RND3: variants seen among roughly 807,000 people sequenced by gnomAD.
RND3 encodes rho-related GTP-binding protein RhoE.
Under a neutral mutation model 26.5 loss-of-function variants are expected in RND3, and 8 were observed. The ratio of observed to expected loss-of-function variants is 0.30; its 90% CI spans 0.18 to 0.54. The LOEUF (loss-of-function observed/expected upper bound fraction) is 0.54, where lower values mean the gene tolerates loss of function less well. Among genes scored for constraint, RND3 ranks in the 20% least tolerant of loss-of-function variants. The pLI, the probability that RND3 is intolerant of heterozygous loss-of-function variation, is 0.94. For synonymous variants in RND3, 113 were observed against 113.0 expected (o/e 1.00, Z 0.00); for missense variants, 207 against 302.8 (o/e 0.68, Z 2.35).
At position 150,470,064 on chromosome 2, in the gene RND3, T is replaced by C. The variant is rs1466682774; in HGVS notation, c.658A>G (p.Met220Val). The change falls in exon 6 of 6, where the codon ATG (methionine) becomes GTG (valine). Residue 220 changes from methionine (M) to valine (V), a missense_variant. Coordinates refer to ENST00000263895, the MANE Select transcript of RND3 (RefSeq NM_005168.5). The stretch of plus-strand genomic sequence containing the variant: ...GCCGAGAGTTCTGGTCTGCTAGGCA[T>C]GTGTGAAATCCGCTTTGTGGCTCTC... ...SQRATKRISHMPSRPELSAVA... is the reference protein window; with the variant it reads ...SQRATKRISHVPSRPELSAVA... 6.2e-7 allele frequency: 1 copy of C among 1,614,128 alleles called. No homozygotes were observed.
rs907103610 is a variant in RND3 at position 150,480,637 on chromosome 2, A to T, written c.239-5653T>A. On this transcript the variant is annotated intron_variant, in intron 3 of 5. Coordinates refer to ENST00000263895, the MANE Select transcript of RND3 (RefSeq NM_005168.5). ...TTAGCAAGAAACCAGATTGGAAAAA[A>T]AACAGCACTAAATGCGGCTAAAAAA... 6.9e-4 allele frequency among the ~76,000 whole-genome samples: 101 copies of T among 145,858 alleles called. 1 individual carries two copies. Among genetic ancestry groups the T allele is most frequent in the African/African-American group, 2.3e-3 (92 of 40,622 alleles).
chr2:150,480,144 G>GT (rs1398103773), intron 3 of RND3, among the ~76,000 whole-genome samples: 5 of 152,168 alleles, frequency 3.3e-5, no homozygotes, highest in Non-Finnish European at 7.4e-5. Context: ...AGGGAAAAGA[G>GT]TATATGTATA....
chr2:150,483,913 G>A (rs147717475), intron 3 of RND3, among the ~76,000 whole-genome samples: 18 of 151,950 alleles, frequency 1.2e-4, no homozygotes, highest in Admixed American at 2.0e-4. Context: ...TTTCATTACC[G>A]GATAATTTTG....
Position 150,477,520 on chromosome 2 carries a change from GT to G in RND3, c.239-2537del, listed in dbSNP as rs1397845719. ...TACCCCTCCCCCCTTTGTGGACTAT[GT>G]TTCCCGTCCCCCACCCATTTTATGG... On this transcript the variant is annotated intron_variant, in intron 3 of 5. Coordinates refer to ENST00000263895, the MANE Select transcript of RND3 (RefSeq NM_005168.5). 3.3e-5 allele frequency among the ~76,000 whole-genome samples: 5 copies of G among 152,098 alleles called. No homozygotes were observed. The East Asian group carries it at 9.6e-4, about 29-fold the overall frequency.
At chr2:150,470,983 A>C (rs188797212) in intron 5 of RND3, among the ~76,000 whole-genome samples, 3 of 152,360 alleles carry the variant, frequency 2.0e-5, no homozygotes, top group East Asian at 3.9e-4. Flanking sequence ...ATGAAACACA[A>C]CATATGTAAT....
At chr2:150,472,592 T>C (rs1686104770) in intron 4 of RND3, among the ~76,000 whole-genome samples, 1 of 152,164 alleles carries the variant, frequency 6.6e-6, no homozygotes, top group African/African-American at 2.4e-5. Context: ...TGCAACAGCA[T>C]GGGAGTCAAG....
In RND3 at chr2:150,471,700, G is replaced by A. The variant is rs751315149; in HGVS notation, c.410C>T (p.Ser137Phe). The A allele has an allele frequency of 6.2e-7, 1 of 1,613,058 alleles. No individual in the cohort carries two copies. Among genetic ancestry groups the A allele is most frequent in the South Asian group, 1.1e-5 (1 of 91,036 alleles). Reference sequence around the variant, plus strand: ...TGTACTAACATCTGTCCGCAGATCAGACTTGCAGCCGACCAAGAGCATTTT... The same window carrying A: ...TGTACTAACATCTGTCCGCAGATCAAACTTGCAGCCGACCAAGAGCATTTT... ...NTKMLLVGCK[S>F]DLRTDVSTLV... Residue 137 changes from serine to phenylalanine, a missense_variant, in exon 5 of 6, where the codon TCT becomes TTT. Transcript: ENST00000263895.
Position 150,487,159 on chromosome 2 carries a change from T to C in RND3, c.150+109A>G. The C allele has an allele frequency of 1.2e-5, 9 of 744,856 alleles. No homozygotes were observed. In the South Asian group the frequency reaches 1.8e-4, roughly 15 times the overall value. The allele number at this position is 744,856 out of a possible 1,614,324, so 46.1% of individuals were successfully genotyped here. ...AAGGACCGAGAAAGACTTTTTTTTT[T>C]CTTTTTTTTTTTTTTTAAGGGAAAA... is the stretch of plus-strand genomic sequence containing the variant. On this transcript the variant is annotated intron_variant, in intron 2 of 5. Coordinates refer to ENST00000263895, the MANE Select transcript of RND3 (RefSeq NM_005168.5).
chr2:150,477,039 C>CTGGACATATA (rs1221457021), intron 3 of RND3, among the ~76,000 whole-genome samples: 2 of 152,250 alleles, frequency 1.3e-5, no homozygotes, highest in East Asian at 3.9e-4. Context: ...GCTCCAAATA[C>CTGGACATATA]TGGACATATA....
chr2:150,479,104 C>G (rs189722037), intron 3 of RND3, among the ~76,000 whole-genome samples: 27 of 152,278 alleles, frequency 1.8e-4, no homozygotes, highest in Non-Finnish European at 3.5e-4. Flanking sequence ...ACTTGGGGTT[C>G]TCTGAGTTGC....
Position 150,487,474 on chromosome 2 carries a change from A to AAATATATAG in RND3, c.-38-20_-38-19insCTATATATT. 1 of 195,420 alleles carries AAATATATAG rather than the reference A, an allele frequency of 5.1e-6. No homozygotes were observed. Among genetic ancestry groups the AAATATATAG allele is most frequent in the Non-Finnish European group, 8.9e-6 (1 of 112,126 alleles). 12.1% of individuals were successfully genotyped at this position (195,420 alleles called of 1,614,324 possible). On this transcript the variant is annotated intron_variant, in intron 1 of 5. Coordinates refer to ENST00000263895, the MANE Select transcript of RND3 (RefSeq NM_005168.5). ...ATTTTCTCTTAAGAAGAAAAAAAAA[A>AAATATATAG]ATATATATATATATATATATTTCTC...
chr2:150,473,717 A>G (rs1349571438), intron 4 of RND3, among the ~76,000 whole-genome samples: 1 of 152,244 alleles, frequency 6.6e-6, no homozygotes, highest in African/African-American at 2.4e-5. Flanking sequence ...AAGGATTATT[A>G]TACTTCAAAT....
chr2:150,472,411 T>C (rs1686102418), intron 4 of RND3, among the ~76,000 whole-genome samples: 1 of 152,244 alleles, frequency 6.6e-6, no homozygotes, highest in Non-Finnish European at 1.5e-5. Flanking sequence ...GTAGCTCATA[T>C]GCCTTCAAGT....
In RND3 at chr2:150,474,631, C is replaced by T. The variant is rs192454802; in HGVS notation, c.348+244G>A. On this transcript the variant is annotated intron_variant, in intron 4 of 5. Coordinates refer to ENST00000263895, the MANE Select transcript of RND3 (RefSeq NM_005168.5). ...GTTGTTAGCTGTACCATTTTTCTCC[C>T]AAAGGACAAACATGAAGGCCCTTAA... 1.3e-3 allele frequency among the ~76,000 whole-genome samples: 198 copies of T among 152,212 alleles called. 1 individual carries two copies. The highest frequency in any genetic ancestry group is 8.5e-4 in the Non-Finnish European group (58 of 68,012).
intron 5 of RND3, among the ~76,000 whole-genome samples, chr2:150,470,985 A>C (rs1320057077): frequency 6.6e-6 from 1 of 152,222 alleles, no homozygotes; most frequent in Non-Finnish European, 1.5e-5. Flanking sequence ...GAAACACAAC[A>C]TATGTAATTT....
At chr2:150,482,271 A>G (rs1415769987) in intron 3 of RND3, among the ~76,000 whole-genome samples, 1 of 152,250 alleles carries the variant, frequency 6.6e-6, no homozygotes, top group Non-Finnish European at 1.5e-5. Flanking sequence ...CTGAAATTAC[A>G]CTGCAATCAA....
At chr2:150,478,188 G>A (rs568478632) in intron 3 of RND3, among the ~76,000 whole-genome samples, 1 of 151,164 alleles carries the variant, frequency 6.6e-6, no homozygotes, top group South Asian at 2.1e-4. Flanking sequence ...AGGACTTTCA[G>A]GATAAAAAAA....
At chr2:150,485,626 C>G (rs1686346446) in intron 3 of RND3, among the ~76,000 whole-genome samples, 3 of 152,164 alleles carry the variant, frequency 2.0e-5, no homozygotes, top group Admixed American at 2.0e-4. Flanking sequence ...TTTCCATAGC[C>G]GACACCCTTC....
intron 3 of RND3, among the ~76,000 whole-genome samples, chr2:150,482,431 T>C (rs1432611415): frequency 6.6e-6 from 1 of 152,246 alleles, no homozygotes; most frequent in Non-Finnish European, 1.5e-5. Flanking sequence ...TCTTACTTAT[T>C]ACTTCACAAT....
Sources: gnomAD v4.1 joint callset for allele counts (sites outside exome capture counted in the v4.1 genomes callset) on GRCh38, gnomAD v4.1.1 for gene constraint, MANE v1.5 for transcripts, NCBI Gene and HGNC (gene_info 2026-07-23, HGNC 2026-07-21) for gene names.